Variants in SNRNP48 observed in about 807,000 individuals in gnomAD.
SNRNP48 encodes the protein small nuclear ribonucleoprotein U11/U12 subunit 48.
A neutral mutation model predicts 47.0 loss-of-function variants in SNRNP48; 43 were observed. The ratio of observed to expected loss-of-function variants is 0.92; its 90% confidence interval spans 0.72 to 1.18. The LOEUF is 1.18. SNRNP48 is among the 50% of genes most tolerant of loss of function. SNRNP48 has a pLI of 0.00. For synonymous variants in SNRNP48, 138 were observed against 144.0 expected (o/e 0.96, Z 0.30); for missense variants, 396 against 422.2 (o/e 0.94, Z 0.54).
rs2113727557 is a variant in SNRNP48, at chr6:7,611,121, A to T, written c.*2248A>T. On this transcript the variant is annotated 3_prime_UTR_variant, in exon 9 of 9. Coordinates refer to ENST00000342415, the MANE Select transcript of SNRNP48 (RefSeq NM_152551.4). The stretch of plus-strand genomic sequence containing the variant: ...GCAGTCTGTAGCTCACTGCAGCCTC[A>T]AACTCCTAGGCTCAGGCGATCCTCT... The T allele has an allele frequency of 6.6e-6, 1 of 152,390 alleles. No homozygotes were observed. The highest frequency in any genetic ancestry group is 1.9e-4 in the East Asian group (1 of 5,184). 9.4% of individuals were successfully genotyped at this position (152,390 alleles called of 1,614,324 possible).
At chr6:7,598,157 G>A (rs1042751027) in intron 4 of SNRNP48, among the ~76,000 whole-genome samples, 5 of 150,554 alleles carry the variant, frequency 3.3e-5, no homozygotes, top group Non-Finnish European at 7.4e-5. Flanking sequence ...GGGAGCCACC[G>A]CGCCTGGCCA....
In SNRNP48 at chr6:7,590,253, C is replaced by A; in HGVS notation, c.-5C>A. ...CCGCTTCCTCTTGGCGGGTGGGCTG[C>A]AGCTATGGAGGGCGAGCCTCCACCT... is the stretch of plus-strand genomic sequence containing the variant. On this transcript the variant is annotated 5_prime_UTR_variant, in exon 1 of 9. Coordinates refer to ENST00000342415, the MANE Select transcript of SNRNP48 (RefSeq NM_152551.4). 3.0e-6 allele frequency: 4 copies of A among 1,313,878 alleles called. No individual in the cohort carries two copies. Among genetic ancestry groups the A allele is most frequent in the Non-Finnish European group, 2.9e-6 (3 of 1,023,412 alleles). The allele number at this position is 1,313,878 out of a possible 1,614,324, so 81.4% of individuals were successfully genotyped here. A position where few individuals can be genotyped will look rare whatever the true frequency, so the allele number is the denominator to read the frequency against.
In SNRNP48 at chr6:7,610,841, CT is replaced by C. The variant is rs942432323; in HGVS notation, c.*1971del. 2 of 152,232 alleles carry C rather than the reference CT, an allele frequency of 1.3e-5. No homozygotes were observed. Among genetic ancestry groups the C allele is most frequent in the African/African-American group, 4.8e-5 (2 of 41,462 alleles). 9.4% of individuals were successfully genotyped at this position (152,232 alleles called of 1,614,324 possible). ...GTACTTCCCTGTTTGTGGTTTGAGC[CT>C]TTCACTGGATGTGAGCTACTTGAGA... On this transcript the variant is annotated 3_prime_UTR_variant, in exon 9 of 9. Transcript: ENST00000342415.
At chr6:7,602,054 A>C (rs565006384) in intron 5 of SNRNP48, among the ~76,000 whole-genome samples, 1 of 152,120 alleles carries the variant, frequency 6.6e-6, no homozygotes, top group Non-Finnish European at 1.5e-5. Context: ...GGGTTTTGCT[A>C]CGCTGGCCAG....
rs1027952924 is a variant in SNRNP48, at chr6:7,610,049, A to C, written c.*1176A>C. ...TTCTTCCTCTCTGCAGATTTTTGAG[A>C]TTGATCCCTGTGTGTCAGTTGTGCA... is the stretch of plus-strand genomic sequence containing the variant. On this transcript the variant is annotated 3_prime_UTR_variant, in exon 9 of 9. Coordinates refer to ENST00000342415, the MANE Select transcript of SNRNP48 (RefSeq NM_152551.4). The C allele has an allele frequency of 7.9e-5, 12 of 152,274 alleles. No homozygotes were observed. The East Asian group carries it at 1.5e-3, about 20-fold the overall frequency. 9.4% of individuals were successfully genotyped at this position (152,274 alleles called of 1,614,324 possible).
intron 4 of SNRNP48, among the ~76,000 whole-genome samples, chr6:7,597,828 C>T (rs1271595233): frequency 6.7e-6 from 1 of 150,178 alleles, no homozygotes; most frequent in Non-Finnish European, 1.5e-5. Context: ...TGAATTCTTA[C>T]ACTATCTTAA....
intron 4 of SNRNP48, among the ~76,000 whole-genome samples, chr6:7,597,905 G>A (rs997922755): frequency 1.5e-5 from 2 of 135,442 alleles, no homozygotes; most frequent in African/African-American, 2.8e-5. Context: ...TTGCTCTCTC[G>A]CCCAGGCTGG....
intron 6 of SNRNP48, 109 bp downstream of exon 6, chr6:7,602,853 G>A: frequency 3.0e-6 from 3 of 997,160 alleles, no homozygotes; most frequent in Non-Finnish European, 4.2e-6. Context: ...TGTCTTCAGG[G>A]TGGCCACACC....
chr6:7,590,395 G>A lies in SNRNP48; in HGVS notation c.138G>A (p.Gly46=). The stretch of plus-strand genomic sequence containing the variant: ...GGGACCTAGATAGTCTGGATCCCGG[G>A]GAAGAGGAGGCGGCGGAGGTGAGGA... ...LGWDLDSLDP[G]EEEAAEDEVV... Residue 46 remains glycine, a synonymous_variant, in exon 1 of 9, where the codon GGG becomes GGA. Transcript: ENST00000342415. The A allele has an allele frequency of 7.5e-7, 1 of 1,326,002 alleles. No homozygotes were observed. The highest frequency in any genetic ancestry group is 9.7e-7 in the Non-Finnish European group (1 of 1,026,214). 82.1% of individuals were successfully genotyped at this position (1,326,002 alleles called of 1,614,324 possible). A position where few individuals can be genotyped will look rare whatever the true frequency, so the allele number is the denominator to read the frequency against.
Position 7,606,155 on chromosome 6 carries a change from G to T in SNRNP48, c.931G>T (p.Asp311Tyr). 1.2e-6 allele frequency: 2 copies of T among 1,613,446 alleles called. No homozygotes were observed. The highest frequency in any genetic ancestry group is 2.2e-5 in the South Asian group (2 of 90,998). ...RSPHKRKRNK[D>Y]KDKNCESRRR... ...CCCACATAAAAGAAAAAGAAACAAA[G>T]ATAAGGATAAAAACTGTGAGTCGAG... Residue 311 changes from aspartate to tyrosine, a missense_variant, in exon 8 of 9, where the codon GAT (aspartate) becomes TAT (tyrosine). Coordinates refer to ENST00000342415, the MANE Select transcript of SNRNP48 (RefSeq NM_152551.4).
At chr6:7,607,544 C>T (rs1760150406) in intron 8 of SNRNP48, among the ~76,000 whole-genome samples, 1 of 152,172 alleles carries the variant, frequency 6.6e-6, no homozygotes. Flanking sequence ...TAAAAGCCTA[C>T]TTGGTAAACT....
Position 7,606,036 on chromosome 6 carries a change from A to C in SNRNP48, c.812A>C (p.Glu271Ala), listed in dbSNP as rs746003546. Residue 271 changes from glutamate to alanine, a missense_variant, in exon 8 of 9, where the codon GAA becomes GCA. Physicochemically the swap from Glu to Ala is moderately radical, Grantham distance 107. Transcript: ENST00000342415. ...CATTCTTTTCTGTGTTTTAGGAATGAAGAAAGGCGATCAGCTTCAGTAGAT... is the reference window on the plus strand; with the variant it reads ...CATTCTTTTCTGTGTTTTAGGAATGCAGAAAGGCGATCAGCTTCAGTAGAT... ...EKAEDDAEKN[E>A]ERRSASVDSR... is the part of the protein sequence containing the mutation. 6.3e-7 allele frequency: 1 copy of C among 1,595,572 alleles called. No individual in the cohort carries two copies.
intron 4 of SNRNP48, chr6:7,601,034 C>A (rs1299720519): frequency 9.7e-6 from 2 of 206,746 alleles, no homozygotes; most frequent in African/African-American, 2.3e-5. Flanking sequence ...ACCCAAAAGG[C>A]TTTCTTAGAG....
At chr6:7,606,232 G>C (rs374684794) in intron 8 of SNRNP48, 37 bp downstream of exon 8, 1 of 1,549,308 alleles carries the variant, frequency 6.5e-7, no homozygotes, top group Non-Finnish European at 8.7e-7. Flanking sequence ...GTTGAATTCT[G>C]TACTTTTTAA....
At chr6:7,594,805 A>G (rs1431394807) in intron 3 of SNRNP48, among the ~76,000 whole-genome samples, 1 of 152,158 alleles carries the variant, frequency 6.6e-6, no homozygotes, top group Non-Finnish European at 1.5e-5. Context: ...CTGCGTGCCT[A>G]ATTATAGGCA....
intron 7 of SNRNP48, 72 bp from the exon 8 acceptor site, chr6:7,605,959 T>G: frequency 7.0e-7 from 1 of 1,428,992 alleles, no homozygotes; most frequent in African/African-American, 1.4e-5. Flanking sequence ...CACTTTAGAC[T>G]GGTGTGTCTG....
intron 4 of SNRNP48, 102 bp downstream of exon 4, chr6:7,595,203 C>G: frequency 2.0e-6 from 2 of 978,392 alleles, no homozygotes; most frequent in Admixed American, 6.1e-5. Context: ...AAAACTGTTA[C>G]ATGGGAAAGG....
intron 6 of SNRNP48, among the ~76,000 whole-genome samples, chr6:7,604,298 T>C (rs527470227): frequency 2.6e-5 from 4 of 152,248 alleles, no homozygotes; most frequent in East Asian, 1.9e-4. Context: ...TGGGAGAATA[T>C]AGTGGAGGAG....
intron 1 of SNRNP48, 38 bp from the exon 2 acceptor site, chr6:7,593,696 A>T: frequency 8.0e-7 from 1 of 1,242,628 alleles, no homozygotes; most frequent in Non-Finnish European, 1.1e-6. Context: ...TTTAAATATT[A>T]TGTACCTATT....
Sources: allele counts gnomAD v4.1 joint callset (sites outside exome capture counted in the v4.1 genomes callset), GRCh38; gene constraint gnomAD v4.1.1; transcripts MANE v1.5; gene names NCBI Gene and HGNC (gene_info 2026-07-23, HGNC 2026-07-21).